NCAM2: variants seen among roughly 807,000 people sequenced by gnomAD.
NCAM2 encodes the protein neural cell adhesion molecule 2, also known as N-CAM-2.
Under a neutral mutation model 98.1 loss-of-function variants are expected in NCAM2, and 30 were observed. That is an observed-to-expected ratio of 0.31 (90% CI 0.23 to 0.41). The LOEUF (loss-of-function observed/expected upper bound fraction) is 0.41, where lower values mean the gene tolerates loss of function less well. NCAM2 is among the 10% of genes least tolerant of loss of function. NCAM2 has a pLI of 1.00. For synonymous variants in NCAM2, 368 were observed against 342.4 expected (o/e 1.07, Z -0.83); for missense variants, 867 against 1,005.8 (o/e 0.86, Z 1.87).
intron 8 of NCAM2, among the ~76,000 whole-genome samples, chr21:21,365,122 G>GT (rs1568983320): frequency 6.6e-6 from 1 of 152,098 alleles, no homozygotes; most frequent in African/African-American, 2.4e-5. Flanking sequence ...GCACAGTGGG[G>GT]TAGCTGAAAG....
intron 1 of NCAM2, among the ~76,000 whole-genome samples, chr21:21,103,435 G>A (rs2066284157): frequency 6.6e-6 from 1 of 151,706 alleles, no homozygotes; most frequent in African/African-American, 2.4e-5. Context: ...TAATTTATTA[G>A]GCAGTATAAT....
At chr21:21,263,344 C>T (rs2071996051) in intron 1 of NCAM2, among the ~76,000 whole-genome samples, 1 of 152,018 alleles carries the variant, frequency 6.6e-6, no homozygotes, top group African/African-American at 2.4e-5. Flanking sequence ...CTAGAAAACG[C>T]TGATCAAAGA....
At chr21:21,213,113 A>C (rs1386543926) in intron 1 of NCAM2, among the ~76,000 whole-genome samples, 2 of 152,128 alleles carry the variant, frequency 1.3e-5, no homozygotes, top group African/African-American at 4.8e-5. Flanking sequence ...GAATGAATGA[A>C]TATTTAGTTG....
At chr21:21,378,110 A>G (rs2076072913) in intron 9 of NCAM2, among the ~76,000 whole-genome samples, 1 of 151,796 alleles carries the variant, frequency 6.6e-6, no homozygotes, top group African/African-American at 2.4e-5. Context: ...TTGATTCCAT[A>G]TCTAGGCTGT....
chr21:21,008,592 T>C (rs1253414016), intron 1 of NCAM2, among the ~76,000 whole-genome samples: 1 of 152,186 alleles, frequency 6.6e-6, no homozygotes, highest in Non-Finnish European at 1.5e-5. Flanking sequence ...TATTTTACTT[T>C]AGATACAGCA....
At chr21:21,302,863 A>G (rs1422778898) in intron 5 of NCAM2, among the ~76,000 whole-genome samples, 1 of 152,168 alleles carries the variant, frequency 6.6e-6, no homozygotes, top group African/African-American at 2.4e-5. Context: ...ATTCCCATCA[A>G]TATTGGATTG....
chr21:21,258,337 A>G (rs1269528456), intron 1 of NCAM2, among the ~76,000 whole-genome samples: 2 of 152,186 alleles, frequency 1.3e-5, no homozygotes, highest in Non-Finnish European at 2.9e-5. Flanking sequence ...GACAAAGATC[A>G]AAGTGATGAA....
At chr21:21,136,036 G>C (rs1348499228) in intron 1 of NCAM2, among the ~76,000 whole-genome samples, 2 of 122,288 alleles carry the variant, frequency 1.6e-5, no homozygotes, top group African/African-American at 7.1e-5. Context: ...TGAAGGCTTA[G>C]TGACTTACAA....
intron 1 of NCAM2, among the ~76,000 whole-genome samples, chr21:21,028,516 T>G (rs2064600867): frequency 6.6e-6 from 1 of 152,230 alleles, no homozygotes; most frequent in African/African-American, 2.4e-5. Context: ...TTTGTTGTTG[T>G]TTGTTGTTCA....
rs232442 is a variant in NCAM2 at position 21,396,891 on chromosome 21, T to A, written c.1196-13383T>A. Among the ~76,000 whole-genome samples, 1,031 of 152,316 alleles carry A rather than the reference T, an allele frequency of 6.8e-3. 14 individuals are homozygous for A. The highest frequency in any genetic ancestry group is 0.023 in the African/African-American group (956 of 41,588). ...AAGGACCACAGCTCTTCTCTCCTTC[T>A]CATTGCCTGCAACGTGGCAAGTAGG... On this transcript the variant is annotated intron_variant, in intron 9 of 17. Transcript: ENST00000400546.
At chr21:21,071,775 TTAAA>T (rs1362154036) in intron 1 of NCAM2, among the ~76,000 whole-genome samples, 3 of 152,158 alleles carry the variant, frequency 2.0e-5, no homozygotes, top group Non-Finnish European at 4.4e-5. Flanking sequence ...AAGCAAATGT[TTAAA>T]TATCTGCGGA....
chr21:21,233,031 G>A (rs752932828), intron 1 of NCAM2, among the ~76,000 whole-genome samples: 44 of 151,418 alleles, frequency 2.9e-4, no homozygotes, highest in South Asian at 6.2e-4. Context: ...TTCTGATTTT[G>A]CACTTTCTAT....
At chr21:21,250,365 G>T (rs1391991879) in intron 1 of NCAM2, among the ~76,000 whole-genome samples, 1 of 152,152 alleles carries the variant, frequency 6.6e-6, no homozygotes, top group Non-Finnish European at 1.5e-5. Flanking sequence ...TTAGAGAAAA[G>T]TTGCTGTTGA....
intron 5 of NCAM2, among the ~76,000 whole-genome samples, chr21:21,312,280 C>A (rs2074079188): frequency 6.6e-6 from 1 of 151,406 alleles, no homozygotes; most frequent in African/African-American, 2.4e-5. Flanking sequence ...TTTCTTTAAA[C>A]TGTTAAGTTG....
At chr21:21,224,160 G>A (rs1323677285) in intron 1 of NCAM2, among the ~76,000 whole-genome samples, 4 of 152,124 alleles carry the variant, frequency 2.6e-5, no homozygotes, top group Non-Finnish European at 5.9e-5. Context: ...TTTCCCCCAT[G>A]GGTGTTATCA....
chr21:21,531,582 T>C (rs1044402885), intron 16 of NCAM2, among the ~76,000 whole-genome samples: 1 of 152,148 alleles, frequency 6.6e-6, no homozygotes, highest in African/African-American at 2.4e-5. Flanking sequence ...TATTATTTCC[T>C]ATTTAATAGT....
intron 8 of NCAM2, among the ~76,000 whole-genome samples, chr21:21,346,452 A>C (rs1235178452): frequency 6.6e-6 from 1 of 152,040 alleles, no homozygotes. Context: ...TCAACACCCA[A>C]CTTTCAGCAT....
chr21:21,335,803 T>C, intron 7 of NCAM2, 138 bp downstream of exon 7: 1 of 808,242 alleles, frequency 1.2e-6, no homozygotes, highest in Non-Finnish European at 1.7e-6. Flanking sequence ...TTTTTAAATT[T>C]CAGCTACCAG....
chr21:21,280,468 A>G lies in NCAM2; in HGVS notation c.56-110A>G, dbSNP rs1010259669. Reference sequence around the variant, plus strand: ...CATTTTTCTTTATAGGTAATAAAAAATTGGGGGGAAATAATCAGCGTTTGG... The same window carrying G: ...CATTTTTCTTTATAGGTAATAAAAAGTTGGGGGGAAATAATCAGCGTTTGG... On this transcript the variant is annotated intron_variant, in intron 1 of 17. Coordinates refer to ENST00000400546, the MANE Select transcript of NCAM2 (RefSeq NM_004540.5). 5.4e-5 allele frequency: 36 copies of G among 669,898 alleles called. No individual in the cohort carries two copies. In the South Asian group the frequency reaches 5.9e-4, roughly 11 times the overall value. The allele number at this position is 669,898 out of a possible 1,614,324, so 41.5% of individuals were successfully genotyped here. A position where few individuals can be genotyped will look rare whatever the true frequency, so the allele number is the denominator to read the frequency against.
Sources: gnomAD v4.1 joint callset for allele counts (sites outside exome capture counted in the v4.1 genomes callset) on GRCh38, gnomAD v4.1.1 for gene constraint, MANE v1.5 for transcripts, NCBI Gene and HGNC (gene_info 2026-07-23, HGNC 2026-07-21) for gene names.